MATN3: variants seen among roughly 807,000 people sequenced by gnomAD.
MATN3 encodes the protein matrilin 3, also known as matrilin-3.
MATN3 carries 48 observed loss-of-function variants against 45.3 expected under a neutral mutation model. That is an observed-to-expected ratio of 1.06 (90% CI 0.84 to 1.35). The LOEUF (loss-of-function observed/expected upper bound fraction) is 1.35, where lower values mean the gene tolerates loss of function less well. Among genes scored for constraint, MATN3 ranks in the 40% most tolerant of loss-of-function variants. The pLI is 0.00. For synonymous variants in MATN3, 217 were observed against 245.9 expected, an observed-to-expected ratio of 0.88 and a Z score of 1.10; for missense variants, 599 against 628.0, an observed-to-expected ratio of 0.95 and a Z score of 0.49.
intron 6 of MATN3, among the ~76,000 whole-genome samples, chr2:19,996,239 C>T (rs1672862745): frequency 1.3e-5 from 2 of 151,916 alleles, no homozygotes; most frequent in African/African-American, 4.8e-5. Flanking sequence ...CTTATAATAG[C>T]ACCAGAAGGA....
At position 20,012,449 on chromosome 2, in the gene MATN3, G is replaced by A. The variant is rs931080155; in HGVS notation, c.183C>T (p.Pro61=). The A allele has an allele frequency of 2.4e-6, 3 of 1,229,406 alleles. No individual in the cohort carries two copies. Among genetic ancestry groups the A allele is most frequent in the Middle Eastern group, 6.3e-4 (2 of 3,198 alleles). The allele number at this position is 1,229,406 out of a possible 1,614,324, so 76.2% of individuals were successfully genotyped here. A position where few individuals can be genotyped will look rare whatever the true frequency, so the allele number is the denominator to read the frequency against. Residue 61 remains proline (P), a synonymous_variant, in exon 1 of 8, where the codon CCC becomes CCT. Coordinates refer to ENST00000407540, the MANE Select transcript of MATN3 (RefSeq NM_002381.5). This position sits in a 1 kb window ranked among gnomAD's most constrained non-coding sequence, Gnocchi z 4.3. ...GGCCAGGCTCGCTGGTCCCGGAAGC[G>A]GGCGCGCCGTCGGGAGCCGCAGGAG... ...RPSPAAPDGA[P]ASGTSEPGRA... is the part of the protein sequence containing the mutation.
At position 20,002,191 on chromosome 2, in the gene MATN3, C is replaced by CACAG. The variant is rs147407955; in HGVS notation, c.917-112_917-111insCTGT. 9.4e-3 allele frequency: 7,120 copies of CACAG among 757,618 alleles called. 254 individuals are homozygous for CACAG. Among genetic ancestry groups the CACAG allele is most frequent in the African/African-American group, 0.085 (4,696 of 55,238 alleles). The allele number at this position is 757,618 out of a possible 1,614,324, so 46.9% of individuals were successfully genotyped here. On this transcript the variant is annotated intron_variant, in intron 3 of 7. Coordinates refer to ENST00000407540, the MANE Select transcript of MATN3 (RefSeq NM_002381.5). Reference sequence around the variant, plus strand: ...ACACACACACACACACACACACACACAGAGCTAATGAAACAAGGGAGGGGC... The same window carrying CACAG: ...ACACACACACACACACACACACACACACAGAGAGCTAATGAAACAAGGGAGGGGC...
intron 7 of MATN3, 122 bp from the exon 8 acceptor site, chr2:19,993,288 C>T (rs1040019087): frequency 8.8e-6 from 7 of 796,766 alleles, no homozygotes; most frequent in Non-Finnish European, 1.4e-5. Flanking sequence ...AAGAGCAAAA[C>T]TGTTTTCTCA....
Position 19,992,951 on chromosome 2 carries a change from G to A in MATN3, c.*160C>T, listed in dbSNP as rs1672788003. The A allele has an allele frequency of 4.8e-6, 3 of 631,524 alleles. No homozygotes were observed. Among genetic ancestry groups the A allele is most frequent in the Admixed American group, 6.0e-5 (2 of 33,306 alleles). The allele number at this position is 631,524 out of a possible 1,614,324, so 39.1% of individuals were successfully genotyped here. On this transcript the variant is annotated 3_prime_UTR_variant, in exon 8 of 8. Coordinates refer to ENST00000407540, the MANE Select transcript of MATN3 (RefSeq NM_002381.5). ...TCCTTGGAAGAATCATGCTGATTCT[G>A]CAGAAGATCTTCATACAATTTATCC...
At chr2:20,009,254 A>G (rs1434500765) in intron 1 of MATN3, among the ~76,000 whole-genome samples, 1 of 144,146 alleles carries the variant, frequency 6.9e-6, no homozygotes, top group Non-Finnish European at 1.5e-5. Flanking sequence ...AAAGGAATCA[A>G]AATTCTTTCT....
intron 3 of MATN3, among the ~76,000 whole-genome samples, chr2:20,002,708 T>C (rs1673010339): frequency 6.6e-6 from 1 of 151,276 alleles, no homozygotes; most frequent in Non-Finnish European, 1.5e-5. Flanking sequence ...CAAACAATCC[T>C]CCCATCTCGG....
rs557946709 is a variant in MATN3 at position 19,993,760 on chromosome 2, C to A, written c.1405+539G>T. Among the ~76,000 whole-genome samples, 84 of 152,306 alleles carry A rather than the reference C, an allele frequency of 5.5e-4. 2 individuals are homozygous for A. Among genetic ancestry groups the A allele is most frequent in the Non-Finnish European group, 1.1e-3 (78 of 68,020 alleles). On this transcript the variant is annotated intron_variant, in intron 7 of 7. Transcript: ENST00000407540. Reference sequence around the variant, plus strand: ...ATCTAAATTCCACTCCTCTGGGGTACATAGGAACAGAGTTGTTAACTTGAA... The same window carrying A: ...ATCTAAATTCCACTCCTCTGGGGTAAATAGGAACAGAGTTGTTAACTTGAA...
At chr2:20,011,743 C>A (rs1409763723) in intron 1 of MATN3, among the ~76,000 whole-genome samples, 1 of 152,212 alleles carries the variant, frequency 6.6e-6, no homozygotes. Context: ...CACAGAGTCC[C>A]TTCAACTTGA....
chr2:20,001,867 C>A (rs1361209045), intron 4 of MATN3, 88 bp downstream of exon 4: 2 of 1,325,698 alleles, frequency 1.5e-6, no homozygotes, highest in African/African-American at 3.0e-5. Context: ...AACACACCAA[C>A]TTCCCAGTCA....
intron 1 of MATN3, 64 bp from the exon 2 acceptor site, chr2:20,006,374 A>G: frequency 7.7e-7 from 1 of 1,292,208 alleles, no homozygotes; most frequent in South Asian, 1.5e-5. Context: ...CTTCCAGAGA[A>G]CTCTGGGATT....
rs568341441 is a variant in MATN3 at position 20,008,949 on chromosome 2, G to T, written c.224-2639C>A. Among the ~76,000 whole-genome samples, 4 of 152,256 alleles carry T rather than the reference G, an allele frequency of 2.6e-5. No individual in the cohort carries two copies. The East Asian group carries it at 5.8e-4, about 22-fold the overall frequency. On this transcript the variant is annotated intron_variant, in intron 1 of 7. Transcript: ENST00000407540. Reference sequence around the variant, plus strand: ...TTAAGTCAAAAGGAATTAAACCCAGGCGCAGTGGCTCACGCCTGTAATCCC... The same window carrying T: ...TTAAGTCAAAAGGAATTAAACCCAGTCGCAGTGGCTCACGCCTGTAATCCC...
chr2:19,995,058 C>A lies in MATN3; in HGVS notation c.1295-649G>T, dbSNP rs1002639272. Among the ~76,000 whole-genome samples, 1 of 151,954 alleles carries A rather than the reference C, an allele frequency of 6.6e-6. No individual in the cohort carries two copies. Among genetic ancestry groups the A allele is most frequent in the African/African-American group, 2.4e-5 (1 of 41,372 alleles). On this transcript the variant is annotated intron_variant, in intron 6 of 7. Coordinates refer to ENST00000407540, the MANE Select transcript of MATN3 (RefSeq NM_002381.5). This position sits in a 1 kb window ranked among gnomAD's most constrained non-coding sequence, Gnocchi z 4.2. The stretch of plus-strand genomic sequence containing the variant: ...TGAGCCATGATCACACCACTGCACT[C>A]CAGCCTGGGTAACAGAGTAAGACCC...
intron 4 of MATN3, among the ~76,000 whole-genome samples, chr2:20,001,461 A>G (rs10177664): frequency 0.038 from 5,843 of 152,208 alleles, 343 homozygotes; most frequent in African/African-American, 0.13. Context: ...GGTTTTTCTA[A>G]TCTTTCCTCA....
chr2:19,997,184 C>T lies in MATN3; in HGVS notation c.1244G>A (p.Cys415Tyr). ...TAAGGTGTAGCCAGGATAGCAATCA[C>T]AGTGGTAGGATGCGGCCCCATCACT... ...CVSDGAASYH[C>Y]DCYPGYTLNE... The change falls in exon 6 of 8, where the codon TGT becomes TAT. Residue 415 changes from cysteine (C) to tyrosine (Y), a missense_variant. Coordinates refer to ENST00000407540, the MANE Select transcript of MATN3 (RefSeq NM_002381.5). The T allele has an allele frequency of 6.2e-7, 1 of 1,613,954 alleles. No homozygotes were observed. The highest frequency in any genetic ancestry group is 8.5e-7 in the Non-Finnish European group (1 of 1,179,830).
At chr2:20,002,729 A>T (rs1673010982) in intron 3 of MATN3, among the ~76,000 whole-genome samples, 1 of 151,458 alleles carries the variant, frequency 6.6e-6, no homozygotes, top group Non-Finnish European at 1.5e-5. Flanking sequence ...CCTCCCAAGT[A>T]ACTGGGACTA....
Position 20,006,046 on chromosome 2 carries a change from C to A in MATN3, c.488G>T (p.Gly163Val), listed in dbSNP as rs1673099123. Residue 163 changes from glycine to valine, a missense_variant, in exon 2 of 8, where the codon GGC becomes GTC. Gly to Val is a moderately radical substitution (Grantham distance 109). Transcript: ENST00000407540. The stretch of plus-strand genomic sequence containing the variant: ...GTCCATTGCTGTCTGGATGGCTAGG[C>A]CTGACATGGTGCCTGTTGACAAGGG... Reference protein sequence around the residue: ...ITPLSTGTMSGLAIQTAMDEA... With the variant: ...ITPLSTGTMSVLAIQTAMDEA... 3 of 1,613,884 alleles carry A rather than the reference C, an allele frequency of 1.9e-6. No individual in the cohort carries two copies. The highest frequency in any genetic ancestry group is 3.3e-5 in the Admixed American group (2 of 60,006).
chr2:20,003,025 G>T lies in MATN3; in HGVS notation c.916+136C>A, dbSNP rs957682141. ...AAGCTCCTTTTCAGGGAAAACTGCT[G>T]ATGAACACCAGTAAACCAGCCAAAA... is the stretch of plus-strand genomic sequence containing the variant. On this transcript the variant is annotated intron_variant, in intron 3 of 7. Coordinates refer to ENST00000407540, the MANE Select transcript of MATN3 (RefSeq NM_002381.5). 1.6e-5 allele frequency: 15 copies of T among 936,332 alleles called. No individual in the cohort carries two copies. In the African/African-American group the frequency reaches 2.1e-4, roughly 13 times the overall value. 58.0% of individuals were successfully genotyped at this position (936,332 alleles called of 1,614,324 possible).
chr2:19,996,021 T>C (rs911897281), intron 6 of MATN3, among the ~76,000 whole-genome samples: 2 of 152,208 alleles, frequency 1.3e-5, no homozygotes, highest in African/African-American at 4.8e-5. Flanking sequence ...GATGGGTATA[T>C]ATAATACTTG....
At position 19,993,056 on chromosome 2, in the gene MATN3, A is replaced by T; in HGVS notation, c.*55T>A. On this transcript the variant is annotated 3_prime_UTR_variant, in exon 8 of 8. Transcript: ENST00000407540. ...CAATAACAGGTGTGCAAAAGAATGC[A>T]TGAGTATTAAGTACACCAAGCTGTC... 9 of 1,386,228 alleles carry T rather than the reference A, an allele frequency of 6.5e-6. No individual in the cohort carries two copies. The highest frequency in any genetic ancestry group is 9.2e-6 in the Non-Finnish European group (9 of 974,078). 85.9% of individuals were successfully genotyped at this position (1,386,228 alleles called of 1,614,324 possible). A position where few individuals can be genotyped will look rare whatever the true frequency, so the allele number is the denominator to read the frequency against.
Sources: allele counts gnomAD v4.1 joint callset (sites outside exome capture counted in the v4.1 genomes callset), GRCh38; gene constraint gnomAD v4.1.1; non-coding constraint Gnocchi (gnomAD v3.1); transcripts MANE v1.5; gene names NCBI Gene and HGNC (gene_info 2026-07-23, HGNC 2026-07-21).